The following PARD3B variants were observed in gnomAD, a reference collection of about 807,000 sequenced individuals.
PARD3B encodes the protein par-3 family cell polarity regulator beta.
In PARD3B, 103 loss-of-function variants were observed where a neutral mutation model predicts 130.2. That is an observed-to-expected ratio of 0.79 (90% CI 0.67 to 0.93). The LOEUF is 0.93. Ranked by LOEUF, PARD3B falls within the 40% of genes least tolerant of loss-of-function variation. The pLI is 0.00. For synonymous variants in PARD3B, 583 were observed against 553.2 expected, an observed-to-expected ratio of 1.05 and a Z score of -0.76; for missense variants, 1,609 against 1,499.2, an observed-to-expected ratio of 1.07 and a Z score of -1.21.
chr2:205,208,239 A>G (rs2037426473), intron 15 of PARD3B, among the ~76,000 whole-genome samples: 1 of 117,544 alleles, frequency 8.5e-6, no homozygotes, highest in South Asian at 3.1e-4. Context: ...AGAGCTATCT[A>G]TGACAGACCC....
At chr2:205,374,426 G>A (rs1007990408) in intron 18 of PARD3B, among the ~76,000 whole-genome samples, 36 of 151,930 alleles carry the variant, frequency 2.4e-4, no homozygotes, top group African/African-American at 7.5e-4. Flanking sequence ...TAGTAGAAAC[G>A]GTTTCGCCAT....
At chr2:204,793,261 C>A (rs2125480923) in intron 2 of PARD3B, among the ~76,000 whole-genome samples, 1 of 152,170 alleles carries the variant, frequency 6.6e-6, no homozygotes, top group African/African-American at 2.4e-5. Context: ...TTTCCCAGTC[C>A]CTTTATCATG....
At chr2:205,273,357 T>A (rs777243923) in intron 16 of PARD3B, among the ~76,000 whole-genome samples, 48 of 152,360 alleles carry the variant, frequency 3.2e-4, no homozygotes, top group African/African-American at 9.6e-4. Context: ...TTCGCTCCTT[T>A]GTTATACTTA....
At chr2:205,362,948 A>G (rs946951164) in intron 18 of PARD3B, among the ~76,000 whole-genome samples, 1 of 152,110 alleles carries the variant, frequency 6.6e-6, no homozygotes, top group Non-Finnish European at 1.5e-5. Flanking sequence ...AAAGGTCTAG[A>G]ACAACCTTCC....
intron 1 of PARD3B, among the ~76,000 whole-genome samples, chr2:204,582,217 GC>G (rs1462047763): frequency 1.3e-5 from 2 of 152,046 alleles, no homozygotes; most frequent in Non-Finnish European, 2.9e-5. Flanking sequence ...GTTTCTTCTT[GC>G]CCTTATCTTT....
At chr2:204,847,301 T>C (rs1162773187) in intron 2 of PARD3B, among the ~76,000 whole-genome samples, 5 of 151,520 alleles carry the variant, frequency 3.3e-5, no homozygotes, top group African/African-American at 2.4e-5. Flanking sequence ...ATAAGAAATA[T>C]GCTTAAATTG....
chr2:205,147,676 G>T (rs7562665), intron 10 of PARD3B, among the ~76,000 whole-genome samples: 45,518 of 151,904 alleles, frequency 0.3, 7,510 homozygotes, highest in Middle Eastern at 0.48. Flanking sequence ...CATATCTGTC[G>T]TCGAAAATTA....
intron 19 of PARD3B, among the ~76,000 whole-genome samples, chr2:205,417,351 C>G (rs1485052610): frequency 1.3e-5 from 2 of 152,042 alleles, no homozygotes; most frequent in Admixed American, 6.6e-5. Context: ...TGGGTTGGTT[C>G]CAAGTCTTTG....
rs973710417 is a variant in PARD3B, at chr2:205,461,231, T to C, written c.3044+20559T>C. Among the ~76,000 whole-genome samples, 2 of 152,050 alleles carry C rather than the reference T, an allele frequency of 1.3e-5. No homozygotes were observed. Among genetic ancestry groups the C allele is most frequent in the Non-Finnish European group, 2.9e-5 (2 of 67,990 alleles). On this transcript the variant is annotated intron_variant, in intron 20 of 22. Transcript: ENST00000406610. This position sits in a 1 kb window ranked among gnomAD's most constrained non-coding sequence, Gnocchi z 4.3. Reference sequence around the variant, plus strand: ...TCAAAGAGTGAGTAGCCATGAGAATTTGGGTGCTGAAAGAGGCATGAAAGG... The same window carrying C: ...TCAAAGAGTGAGTAGCCATGAGAATCTGGGTGCTGAAAGAGGCATGAAAGG...
intron 1 of PARD3B, among the ~76,000 whole-genome samples, chr2:204,586,241 T>C (rs2032818908): frequency 6.6e-6 from 1 of 152,196 alleles, no homozygotes; most frequent in Non-Finnish European, 1.5e-5. Context: ...TTTTAATTAA[T>C]TGAGATAGCA....
intron 3 of PARD3B, among the ~76,000 whole-genome samples, chr2:204,978,626 T>C (rs1275325160): frequency 6.6e-6 from 1 of 152,178 alleles, no homozygotes; most frequent in African/African-American, 2.4e-5. Flanking sequence ...GTGGATTGAA[T>C]GCACTTCTTT....
At position 205,244,324 on chromosome 2, in the gene PARD3B, A is replaced by AT. The variant is rs2039478534; in HGVS notation, c.2141-1454_2141-1453insT. On this transcript the variant is annotated intron_variant, in intron 15 of 22. Coordinates refer to ENST00000406610, the MANE Select transcript of PARD3B (RefSeq NM_001302769.2). The surrounding 1 kb of genome is among the most constrained non-coding windows in gnomAD (Gnocchi z 4.7). ...AGCAAATTTCCCCTCGCCTTGCTTC[A>AT]ACCCTTGAGACCACAGTTTTGTGTA... Among the ~76,000 whole-genome samples the AT allele has an allele frequency of 6.6e-6, 1 of 152,206 alleles. No individual in the cohort carries two copies. The highest frequency in any genetic ancestry group is 2.1e-4 in the South Asian group (1 of 4,828).
chr2:205,374,342 A>G (rs2044948924), intron 18 of PARD3B, among the ~76,000 whole-genome samples: 2 of 152,088 alleles, frequency 1.3e-5, no homozygotes, highest in Admixed American at 1.3e-4. Context: ...GTCCCGGTTC[A>G]AGCAATTCTC....
At chr2:205,307,522 A>G (rs1201455309) in intron 18 of PARD3B, among the ~76,000 whole-genome samples, 1 of 152,144 alleles carries the variant, frequency 6.6e-6, no homozygotes, top group Non-Finnish European at 1.5e-5. Flanking sequence ...TCTTTATGGC[A>G]CTAACCTGCA....
intron 21 of PARD3B, among the ~76,000 whole-genome samples, chr2:205,535,015 C>A (rs764820045): frequency 3.7e-4 from 57 of 152,106 alleles, no homozygotes; most frequent in South Asian, 2.1e-4. Flanking sequence ...AGTTTCCAGT[C>A]TACAGAGGGG....
chr2:204,759,245 C>A (rs1559121831), intron 2 of PARD3B, among the ~76,000 whole-genome samples: 1 of 152,082 alleles, frequency 6.6e-6, no homozygotes, highest in Admixed American at 6.5e-5. Context: ...TTGGCCACAC[C>A]TTTAAGTTTT....
intron 20 of PARD3B, among the ~76,000 whole-genome samples, chr2:205,466,601 C>T (rs1418276070): frequency 2.0e-5 from 3 of 152,026 alleles, no homozygotes; most frequent in Admixed American, 1.3e-4. Flanking sequence ...TCCCAGTGTA[C>T]CCCATTCACT....
chr2:205,082,048 T>G (rs1204724104), intron 4 of PARD3B, among the ~76,000 whole-genome samples: 1 of 152,220 alleles, frequency 6.6e-6, no homozygotes, highest in Non-Finnish European at 1.5e-5. Flanking sequence ...TTTCTTCATT[T>G]GCTATAGAGC....
intron 15 of PARD3B, among the ~76,000 whole-genome samples, chr2:205,203,052 G>A (rs1396611908): frequency 2.6e-5 from 4 of 152,104 alleles, no homozygotes; most frequent in African/African-American, 9.7e-5. Context: ...ATGTTTAATG[G>A]AATATGTAGT....
Sources: gnomAD v4.1 joint callset for allele counts (sites outside exome capture counted in the v4.1 genomes callset) on GRCh38, gnomAD v4.1.1 for gene constraint, Gnocchi (gnomAD v3.1) non-coding constraint, MANE v1.5 for transcripts, NCBI Gene and HGNC (gene_info 2026-07-23, HGNC 2026-07-21) for gene names.